The following ULK4 variants were observed in gnomAD, a reference collection of about 807,000 sequenced individuals.
ULK4 encodes unc-51 like kinase 4.
Under a neutral mutation model 160.6 loss-of-function variants are expected in ULK4, and 133 were observed. That is an observed-to-expected ratio of 0.83 (90% CI 0.72 to 0.96). The LOEUF is 0.96. ULK4 is among the 40% of genes least tolerant of loss of function. ULK4 has a pLI of 0.00. For synonymous variants in ULK4, 534 were observed against 539.8 expected (o/e 0.99, Z 0.15); for missense variants, 1,580 against 1,499.5 (o/e 1.05, Z -0.89).
At chr3:41,479,073 A>C (rs1351103688) in intron 32 of ULK4, among the ~76,000 whole-genome samples, 1 of 152,220 alleles carries the variant, frequency 6.6e-6, no homozygotes, top group African/African-American at 2.4e-5. Flanking sequence ...GTCTATCCCC[A>C]AAAACCTGAA....
intron 30 of ULK4, among the ~76,000 whole-genome samples, chr3:41,617,507 C>T (rs149181238): frequency 1.5e-3 from 226 of 152,280 alleles, no homozygotes; most frequent in African/African-American, 5.2e-3. Context: ...CAGCAAACTG[C>T]AGTAGACCTG....
rs536520513 is a variant in ULK4 at position 41,247,234 on chromosome 3, C to T, written c.3765-242G>A. Among the ~76,000 whole-genome samples the T allele has an allele frequency of 4.6e-4, 70 of 152,288 alleles. No individual in the cohort carries two copies. The Middle Eastern group carries it at 0.01, about 22-fold the overall frequency. On this transcript the variant is annotated intron_variant, in intron 36 of 36. Coordinates refer to ENST00000301831, the MANE Select transcript of ULK4 (RefSeq NM_017886.4). ...CAGCCACCACTCACTATCTGAGCCA[C>T]CTCTGCCAGAAACACTGCCAGTGAG...
intron 30 of ULK4, among the ~76,000 whole-genome samples, chr3:41,634,040 G>A (rs1490056270): frequency 2.0e-5 from 3 of 152,174 alleles, no homozygotes; most frequent in Non-Finnish European, 2.9e-5. Flanking sequence ...CAGCAAAATC[G>A]ATGTTCCAAT....
chr3:41,378,204 T>C (rs1241686603), intron 35 of ULK4, among the ~76,000 whole-genome samples: 1 of 118,328 alleles, frequency 8.5e-6, no homozygotes, highest in African/African-American at 3.3e-5. Context: ...AAGGGGAACA[T>C]CACACTCGGG....
chr3:41,756,786 C>T (rs1262632028), intron 21 of ULK4, among the ~76,000 whole-genome samples: 1 of 152,168 alleles, frequency 6.6e-6, no homozygotes, highest in Non-Finnish European at 1.5e-5. Flanking sequence ...ATTACATATG[C>T]ATATTGGAGC....
rs2078650757 is a variant in ULK4, at chr3:41,246,743, T to A, written c.*186A>T. The A allele has an allele frequency of 3.3e-6, 2 of 609,476 alleles. No homozygotes were observed. The highest frequency in any genetic ancestry group is 5.7e-6 in the Non-Finnish European group (2 of 349,526). The allele number at this position is 609,476 out of a possible 1,614,324, so 37.8% of individuals were successfully genotyped here. ...ATTCCACAGGAACCAAGGAAGTCCATTCTGAGTCAGTTTTCTAGGCCCTGG... is the reference window on the plus strand; with the variant it reads ...ATTCCACAGGAACCAAGGAAGTCCAATCTGAGTCAGTTTTCTAGGCCCTGG... On this transcript the variant is annotated 3_prime_UTR_variant, in exon 37 of 37. Coordinates refer to ENST00000301831, the MANE Select transcript of ULK4 (RefSeq NM_017886.4).
At chr3:41,743,124 A>T (rs2038298255) in intron 22 of ULK4, among the ~76,000 whole-genome samples, 4 of 151,924 alleles carry the variant, frequency 2.6e-5, no homozygotes, top group Admixed American at 2.6e-4. Flanking sequence ...CAAGAAGCTG[A>T]TCAAACTCCA....
intron 19 of ULK4, among the ~76,000 whole-genome samples, chr3:41,805,108 C>T (rs955655763): frequency 3.3e-5 from 5 of 152,172 alleles, no homozygotes; most frequent in Non-Finnish European, 5.9e-5. Flanking sequence ...ATTCTTCCTA[C>T]CCATGAGCAT....
chr3:41,341,036 A>C (rs774904106), intron 35 of ULK4, among the ~76,000 whole-genome samples: 1 of 152,226 alleles, frequency 6.6e-6, no homozygotes, highest in Non-Finnish European at 1.5e-5. Context: ...ATATAGAGCC[A>C]TCTTCCTCAA....
chr3:41,412,553 A>ATTTTTT lies in ULK4; in HGVS notation c.3493-14295_3493-14290dup, dbSNP rs57224854. 6.8e-3 allele frequency among the ~76,000 whole-genome samples: 679 copies of ATTTTTT among 100,340 alleles called. 57 individuals carry two copies. The highest frequency in any genetic ancestry group is 0.026 in the African/African-American group (630 of 23,998). 65.8% of individuals were successfully genotyped at this position (100,340 alleles called of 152,430 possible). ...TAAAGGTCAATGGCAATGCAGTTGAATTTTTTTTTTTTTTTTTTTTTTTTT... is the reference window on the plus strand; with the variant it reads ...TAAAGGTCAATGGCAATGCAGTTGAATTTTTTTTTTTTTTTTTTTTTTTTTTTTTTT... On this transcript the variant is annotated intron_variant, in intron 34 of 36. Transcript: ENST00000301831.
chr3:41,426,864 A>C (rs931200999), intron 34 of ULK4, among the ~76,000 whole-genome samples: 1 of 152,158 alleles, frequency 6.6e-6, no homozygotes, highest in Admixed American at 6.5e-5. Flanking sequence ...AAACTAGAGA[A>C]TCTAAAGCAA....
intron 31 of ULK4, among the ~76,000 whole-genome samples, chr3:41,610,667 C>T (rs545473016): frequency 2.0e-5 from 3 of 152,228 alleles, no homozygotes; most frequent in African/African-American, 7.2e-5. Flanking sequence ...CTTGCTTCAA[C>T]TGCTATCCTT....
At position 41,715,488 on chromosome 3, in the gene ULK4, G is replaced by C. The variant is rs754686751; in HGVS notation, c.2536C>G (p.Leu846Val). 28 of 1,613,996 alleles carry C rather than the reference G, an allele frequency of 1.7e-5. No homozygotes were observed. The South Asian group carries it at 2.7e-4, about 16-fold the overall frequency. ...TVQVKQLKLCLPLMPVVLHLV... is the reference protein window; with the variant it reads ...TVQVKQLKLCVPLMPVVLHLV... Reference sequence around the variant, plus strand: ...TGAAGCACTACAGGCATCAGGGGGAGACACAACTTCAGCTGTTTCACTTGA... The same window carrying C: ...TGAAGCACTACAGGCATCAGGGGGACACACAACTTCAGCTGTTTCACTTGA... The change falls in exon 24 of 37, where the codon CTC becomes GTC. Residue 846 changes from leucine to valine, a missense_variant. By Grantham distance (32) the Leu-to-Val change is conservative. Coordinates refer to ENST00000301831, the MANE Select transcript of ULK4 (RefSeq NM_017886.4).
chr3:41,606,980 T>A (rs1330596195), intron 31 of ULK4, among the ~76,000 whole-genome samples: 1 of 152,108 alleles, frequency 6.6e-6, no homozygotes, highest in African/African-American at 2.4e-5. Context: ...TATAGTCCCA[T>A]TTGTCTACTT....
Position 41,569,292 on chromosome 3 carries a change from C to CA in ULK4, c.3121-3163dup, listed in dbSNP as rs60201753. Among the ~76,000 whole-genome samples the CA allele has an allele frequency of 5.2e-3, 796 of 152,224 alleles. 8 individuals carry two copies. The highest frequency in any genetic ancestry group is 0.018 in the African/African-American group (761 of 41,546). On this transcript the variant is annotated intron_variant, in intron 31 of 36. Coordinates refer to ENST00000301831, the MANE Select transcript of ULK4 (RefSeq NM_017886.4). Reference sequence around the variant, plus strand: ...TCCCCAGAGGGTGGAGATTGGGACTCAAAGTTTTCAGCCCTCTAATGTTGC... The same window carrying CA: ...TCCCCAGAGGGTGGAGATTGGGACTCAAAAGTTTTCAGCCCTCTAATGTTGC...
At chr3:41,679,319 T>C (rs1559480553) in intron 29 of ULK4, among the ~76,000 whole-genome samples, 4 of 152,226 alleles carry the variant, frequency 2.6e-5, no homozygotes, top group Non-Finnish European at 5.9e-5. Flanking sequence ...TTTAGGATTA[T>C]CTTCTAAGGT....
At chr3:41,896,533 C>A (rs559884036) in intron 15 of ULK4, among the ~76,000 whole-genome samples, 1 of 152,136 alleles carries the variant, frequency 6.6e-6, no homozygotes, top group East Asian at 1.9e-4. Flanking sequence ...GGATTACAGG[C>A]ATGAGCCACT....
At chr3:41,762,655 C>CT (rs35695794) in intron 21 of ULK4, among the ~76,000 whole-genome samples, 5,260 of 88,996 alleles carry the variant, frequency 0.059, 526 homozygotes, top group African/African-American at 0.14. Flanking sequence ...AAGTGTTACA[C>CT]TTTTTTTTTT....
rs544126171 is a variant in ULK4 at position 41,374,893 on chromosome 3, G to A, written c.3678+23186C>T. On this transcript the variant is annotated intron_variant, in intron 35 of 36. Coordinates refer to ENST00000301831, the MANE Select transcript of ULK4 (RefSeq NM_017886.4). ...GACTGTATATTTAGAAAACTTCATC[G>A]TCTCAGCTCAAAAACTCCTTAAGCT... Among the ~76,000 whole-genome samples the A allele has an allele frequency of 5.1e-4, 77 of 152,246 alleles. 1 individual carries two copies. The highest frequency in any genetic ancestry group is 4.7e-3 in the Admixed American group (72 of 15,294).
Sources: gnomAD v4.1 joint callset for allele counts (sites outside exome capture counted in the v4.1 genomes callset) on GRCh38, gnomAD v4.1.1 for gene constraint, MANE v1.5 for transcripts, NCBI Gene and HGNC (gene_info 2026-07-23, HGNC 2026-07-21) for gene names.